RBFOX1: variants seen among roughly 807,000 people sequenced by gnomAD.
RBFOX1 encodes RNA binding fox-1 homolog 1.
RBFOX1 carries 8 observed loss-of-function variants against 57.7 expected under a neutral mutation model. The observed-to-expected ratio is 0.14, with a 90% confidence interval of 0.08 to 0.25. RBFOX1 has a LOEUF of 0.25. RBFOX1 is among the 10% of genes least tolerant of loss of function. The probability of loss-of-function intolerance (pLI) is 1.00; values close to 1 mark genes in which losing one functional copy is unlikely to be tolerated. For missense variants in RBFOX1, 611 were observed against 548.5 expected (o/e 1.11, Z -1.14); for synonymous variants, 326 against 222.4 (o/e 1.47, Z -4.15).
chr16:5,308,908 G>C (rs1271218065), intron 1 of RBFOX1, among the ~76,000 whole-genome samples: 2 of 152,086 alleles, frequency 1.3e-5, no homozygotes, highest in Non-Finnish European at 2.9e-5. Flanking sequence ...TGTGTTTTCA[G>C]CTCTGTGTTT....
At chr16:7,608,155 T>C (rs143228278) in intron 10 of RBFOX1, among the ~76,000 whole-genome samples, 1 of 152,340 alleles carries the variant, frequency 6.6e-6, no homozygotes, top group East Asian at 1.9e-4. Context: ...TGCTTTTTAA[T>C]AAGGAGAAAT....
intron 2 of RBFOX1, among the ~76,000 whole-genome samples, chr16:6,532,584 A>G (rs911505515): frequency 6.6e-6 from 1 of 152,142 alleles, no homozygotes; most frequent in African/African-American, 2.4e-5. Flanking sequence ...CATGGAGATC[A>G]TTCCTGCAGA....
At chr16:5,450,550 G>C (rs1417680188) in intron 1 of RBFOX1, among the ~76,000 whole-genome samples, 1 of 152,216 alleles carries the variant, frequency 6.6e-6, no homozygotes, top group African/African-American at 2.4e-5. Flanking sequence ...GAGAGGTTGA[G>C]CACATCCCTT....
At chr16:6,093,582 T>C (rs1425752195) in intron 1 of RBFOX1, among the ~76,000 whole-genome samples, 1 of 152,100 alleles carries the variant, frequency 6.6e-6, no homozygotes, top group African/African-American at 2.4e-5. Flanking sequence ...TTATGTATTG[T>C]GTAATTAAGG....
At chr16:6,398,034 C>G (rs1372714782) in intron 2 of RBFOX1, among the ~76,000 whole-genome samples, 1 of 152,070 alleles carries the variant, frequency 6.6e-6, no homozygotes, top group Non-Finnish European at 1.5e-5. Flanking sequence ...AAACATAAGT[C>G]CAACTATGTC....
intron 1 of RBFOX1, among the ~76,000 whole-genome samples, chr16:6,127,731 C>G (rs2096600227): frequency 6.6e-6 from 1 of 152,114 alleles, no homozygotes; most frequent in Non-Finnish European, 1.5e-5. Context: ...AATAAATGTT[C>G]AACACTCCGG....
chr16:5,731,385 G>C lies in RBFOX1; in HGVS notation c.318+132424G>C, dbSNP rs568046029. Among the ~76,000 whole-genome samples, 5 of 152,246 alleles carry C rather than the reference G, an allele frequency of 3.3e-5. No individual in the cohort carries two copies. In the South Asian group the frequency reaches 1.0e-3, roughly 32 times the overall value. ...TTCATATTTACAAAGTACTTTCTTT[G>C]TCAGGTATTATGCTAAAACCCCACC... On this transcript the variant is annotated intron_variant, in intron 3 of 19. Transcript: ENST00000641259.
At chr16:7,321,611 T>C (rs1484391258) in intron 4 of RBFOX1, among the ~76,000 whole-genome samples, 1 of 152,220 alleles carries the variant, frequency 6.6e-6, no homozygotes, top group East Asian at 1.9e-4. Context: ...ATGAAGATAG[T>C]CATAGGATTT....
Position 6,835,204 on chromosome 16 carries a change from C to G in RBFOX1, c.-16+180554C>G, listed in dbSNP as rs141568665. Among the ~76,000 whole-genome samples, 727 of 152,180 alleles carry G rather than the reference C, an allele frequency of 4.8e-3. 4 individuals carry two copies. The highest frequency in any genetic ancestry group is 0.016 in the African/African-American group (657 of 41,536). On this transcript the variant is annotated intron_variant, in intron 3 of 15. Coordinates refer to ENST00000550418, the MANE Select transcript of RBFOX1 (RefSeq NM_018723.4). ...GCGTGAGCCACCACGCCCGACCGGC[C>G]TGACTTCTCTTGTGAAGATGGCTCC...
intron 3 of RBFOX1, among the ~76,000 whole-genome samples, chr16:5,626,327 G>T (rs894697783): frequency 3.3e-5 from 5 of 152,186 alleles, no homozygotes; most frequent in African/African-American, 1.2e-4. Flanking sequence ...TCTTCTCCCT[G>T]TGTCTTCATG....
At chr16:5,834,593 G>GATAC (rs2056390478) in intron 3 of RBFOX1, among the ~76,000 whole-genome samples, 1 of 148,580 alleles carries the variant, frequency 6.7e-6, no homozygotes, top group Admixed American at 6.6e-5. Flanking sequence ...TAGATAGATA[G>GATAC]ATAGATAGAT....
At chr16:6,577,725 C>T (rs1157001779) in intron 2 of RBFOX1, among the ~76,000 whole-genome samples, 1 of 152,150 alleles carries the variant, frequency 6.6e-6, no homozygotes, top group Non-Finnish European at 1.5e-5. Context: ...AGTGCTTTGA[C>T]AAGGAAGTGA....
At chr16:5,493,489 C>G (rs973139104) in intron 2 of RBFOX1, among the ~76,000 whole-genome samples, 2 of 152,204 alleles carry the variant, frequency 1.3e-5, no homozygotes, top group Non-Finnish European at 2.9e-5. Flanking sequence ...CACGTTGAAG[C>G]AAAAAGTACC....
chr16:7,097,563 T>G (rs1185069847), intron 4 of RBFOX1, among the ~76,000 whole-genome samples: 2 of 152,172 alleles, frequency 1.3e-5, no homozygotes. Context: ...TTTAAGCACC[T>G]CTCCATCTGC....
At chr16:5,707,628 C>A (rs2051302567) in intron 3 of RBFOX1, among the ~76,000 whole-genome samples, 1 of 152,192 alleles carries the variant, frequency 6.6e-6, no homozygotes, top group African/African-American at 2.4e-5. Flanking sequence ...GAAGATACAG[C>A]TGGCATCACG....
chr16:6,833,711 G>T (rs142018553), intron 3 of RBFOX1, among the ~76,000 whole-genome samples: 4 of 152,182 alleles, frequency 2.6e-5, no homozygotes, highest in African/African-American at 7.2e-5. Flanking sequence ...ACCAGAGAAA[G>T]ACTCTAGATG....
Position 6,441,939 on chromosome 16 carries a change from A to G in RBFOX1, c.-64+124882A>G, listed in dbSNP as rs549997791. On this transcript the variant is annotated intron_variant, in intron 2 of 15. Transcript: ENST00000550418. ...GGGAGGGTCTTCCTAATTTGCTATTAGGATGAATTCCTAGCAAGATATTAT... is the reference window on the plus strand; with the variant it reads ...GGGAGGGTCTTCCTAATTTGCTATTGGGATGAATTCCTAGCAAGATATTAT... 2.0e-4 allele frequency among the ~76,000 whole-genome samples: 31 copies of G among 152,320 alleles called. 1 individual carries two copies. The highest frequency in any genetic ancestry group is 3.4e-3 in the Middle Eastern group (1 of 294).
intron 4 of RBFOX1, among the ~76,000 whole-genome samples, chr16:7,089,527 A>G (rs961265825): frequency 5.9e-5 from 9 of 152,190 alleles, no homozygotes; most frequent in South Asian, 4.1e-4. Context: ...TTAATTATAA[A>G]CAAATATCAA....
intron 3 of RBFOX1, among the ~76,000 whole-genome samples, chr16:6,977,159 CAT>C (rs2087218363): frequency 2.1e-5 from 3 of 140,332 alleles, no homozygotes; most frequent in African/African-American, 5.2e-5. Context: ...TCATATATAT[CAT>C]ATATTATCAT....
Sources: gnomAD v4.1 joint callset for allele counts (sites outside exome capture counted in the v4.1 genomes callset) on GRCh38, gnomAD v4.1.1 for gene constraint, MANE v1.5 for transcripts, NCBI Gene and HGNC (gene_info 2026-07-23, HGNC 2026-07-21) for gene names.